The following FOXP2 variants were observed in gnomAD, a reference collection of about 807,000 sequenced individuals.
FOXP2 encodes forkhead box protein P2.
Under a neutral mutation model 115.8 loss-of-function variants are expected in FOXP2, and 12 were observed. The observed-to-expected ratio is 0.10, with a 90% confidence interval of 0.07 to 0.17. FOXP2 has a LOEUF of 0.17. FOXP2 is among the 10% of genes least tolerant of loss of function. The pLI is 1.00. For missense variants in FOXP2, 629 were observed against 843.5 expected (o/e 0.75, Z 3.15); for synonymous variants, 328 against 297.7 (o/e 1.10, Z -1.05).
In FOXP2 at chr7:114,691,929, C is replaced by CAAAAAAAAAAAAA; in HGVS notation, c.*2004_*2016dup. On this transcript the variant is annotated 3_prime_UTR_variant, in exon 17 of 17. Transcript: ENST00000350908. Reference sequence around the variant, plus strand: ...GGCTTTCTGAAAGCTTCTACCTCTGCAAAAAAAAAAAAAGAAAAAAAAAAA... The same window carrying CAAAAAAAAAAAAA: ...GGCTTTCTGAAAGCTTCTACCTCTGCAAAAAAAAAAAAAAAAAAAAAAAAAAGAAAAAAAAAAA... 4.0e-6 allele frequency: 1 copy of CAAAAAAAAAAAAA among 250,926 alleles called. No homozygotes were observed. The highest frequency in any genetic ancestry group is 7.2e-6 in the Non-Finnish European group (1 of 138,912). The allele number at this position is 250,926 out of a possible 1,614,324, so 15.5% of individuals were successfully genotyped here. A position where few individuals can be genotyped will look rare whatever the true frequency, so the allele number is the denominator to read the frequency against.
chr7:114,374,647 T>A (rs1792096492), intron 2 of FOXP2, among the ~76,000 whole-genome samples: 2 of 152,324 alleles, frequency 1.3e-5, no homozygotes, highest in Non-Finnish European at 1.5e-5. Flanking sequence ...CATTATTTCC[T>A]ACTTTGACTT....
intron 1 of FOXP2, among the ~76,000 whole-genome samples, chr7:114,127,044 C>A (rs1402328434): frequency 6.6e-6 from 1 of 152,164 alleles, no homozygotes. Context: ...GCTGAAGTCT[C>A]ATCTGAATGC....
intron 1 of FOXP2, among the ~76,000 whole-genome samples, chr7:114,207,029 C>T (rs1182318665): frequency 6.6e-6 from 1 of 152,122 alleles, no homozygotes; most frequent in Non-Finnish European, 1.5e-5. Flanking sequence ...TGTTCTTATT[C>T]TGGACATTTC....
Position 114,534,603 on chromosome 7 carries a change from A to G in FOXP2, c.169-14A>G. Reference sequence around the variant, plus strand: ...CAACAAAATATTTAGATAAGGTTTCATTTTTACTTCTAGGCTCTCCAGGCA... The same window carrying G: ...CAACAAAATATTTAGATAAGGTTTCGTTTTTACTTCTAGGCTCTCCAGGCA... On this transcript the variant is annotated splice_polypyrimidine_tract_variant and intron_variant, in intron 2 of 16. Coordinates refer to ENST00000350908, the MANE Select transcript of FOXP2 (RefSeq NM_014491.4). 18 of 1,609,172 alleles carry G rather than the reference A, an allele frequency of 1.1e-5. No individual in the cohort carries two copies. The highest frequency in any genetic ancestry group is 1.5e-5 in the Non-Finnish European group (18 of 1,176,084).
chr7:114,364,785 C>A (rs758385544), intron 2 of FOXP2, among the ~76,000 whole-genome samples: 6 of 152,068 alleles, frequency 3.9e-5, no homozygotes, highest in Non-Finnish European at 5.9e-5. Context: ...TCAGTCTGTA[C>A]TGAATATTAA....
intron 2 of FOXP2, among the ~76,000 whole-genome samples, chr7:114,350,072 C>A (rs992567599): frequency 2.6e-5 from 4 of 152,074 alleles, no homozygotes; most frequent in Non-Finnish European, 5.9e-5. Context: ...AAACTAGCCA[C>A]ACATAAATAT....
intron 10 of FOXP2, among the ~76,000 whole-genome samples, chr7:114,657,291 T>C (rs768479636): frequency 6.6e-6 from 1 of 152,184 alleles, no homozygotes; most frequent in Non-Finnish European, 1.5e-5. Context: ...TTCTTTTTTC[T>C]ACCCTGACAC....
chr7:114,105,175 A>T (rs1390192574), intron 1 of FOXP2, among the ~76,000 whole-genome samples: 1 of 152,072 alleles, frequency 6.6e-6, no homozygotes, highest in East Asian at 1.9e-4. Context: ...GGCACATTTT[A>T]GTTTGTACCA....
intron 1 of FOXP2, among the ~76,000 whole-genome samples, chr7:114,246,990 T>A (rs1475037743): frequency 6.6e-6 from 1 of 152,198 alleles, no homozygotes; most frequent in Admixed American, 6.5e-5. Flanking sequence ...TTGGCTTTCT[T>A]TCTCCAAATG....
chr7:114,178,994 G>GA (rs1013128096), intron 1 of FOXP2, among the ~76,000 whole-genome samples: 11 of 151,834 alleles, frequency 7.2e-5, no homozygotes, highest in Non-Finnish European at 1.5e-5. Context: ...ATTCTATGTA[G>GA]ATTTTTCAGA....
intron 1 of FOXP2, among the ~76,000 whole-genome samples, chr7:114,135,159 T>C (rs1305212864): frequency 6.6e-6 from 1 of 152,212 alleles, no homozygotes; most frequent in Non-Finnish European, 1.5e-5. Context: ...TTTAGCAATA[T>C]GGAAACATAT....
In FOXP2 at chr7:114,415,357, G is replaced by T. The variant is rs759420480; in HGVS notation, c.-14G>T. 9.1e-5 allele frequency: 41 copies of T among 449,188 alleles called. No individual in the cohort carries two copies. Among genetic ancestry groups the T allele is most frequent in the South Asian group, 1.7e-4 (11 of 63,462 alleles). The allele number at this position is 449,188 out of a possible 1,614,324, so 27.8% of individuals were successfully genotyped here. A position where few individuals can be genotyped will look rare whatever the true frequency, so the allele number is the denominator to read the frequency against. On this transcript the variant is annotated 5_prime_UTR_variant, in exon 1 of 17. Coordinates refer to ENST00000350908, the MANE Select transcript of FOXP2 (RefSeq NM_014491.4). ...GGAAGTTTGCTCTAACATTTCCAGAGAAGGTACGTTACTTTTTGCTAAGAG... is the reference window on the plus strand; with the variant it reads ...GGAAGTTTGCTCTAACATTTCCAGATAAGGTACGTTACTTTTTGCTAAGAG...
intron 16 of FOXP2, among the ~76,000 whole-genome samples, chr7:114,677,038 C>T (rs993655607): frequency 2.0e-5 from 3 of 151,844 alleles, no homozygotes; most frequent in South Asian, 2.1e-4. Context: ...TGGTTGCGCG[C>T]GCCTGTAGTC....
At chr7:114,143,009 A>G (rs893139749) in intron 1 of FOXP2, among the ~76,000 whole-genome samples, 20 of 151,866 alleles carry the variant, frequency 1.3e-4, no homozygotes, top group Non-Finnish European at 1.9e-4. Flanking sequence ...TTAGTCAGGC[A>G]TGGTGGCATG....
chr7:114,479,736 TG>T (rs1372820051), intron 2 of FOXP2, among the ~76,000 whole-genome samples: 2 of 151,570 alleles, frequency 1.3e-5, no homozygotes, highest in African/African-American at 4.8e-5. Flanking sequence ...TTATTATTCC[TG>T]TTTTTTCAGA....
At chr7:114,160,920 C>T (rs1435101755), upstream of FOXP2, among the ~76,000 whole-genome samples, 3 of 152,068 alleles carry the variant, frequency 2.0e-5, no homozygotes, top group Non-Finnish European at 2.9e-5. Context: ...TCCTCTGACA[C>T]ATCTGGTAGA....
chr7:114,552,605 A>C (rs1055419851), intron 3 of FOXP2, among the ~76,000 whole-genome samples: 1 of 152,166 alleles, frequency 6.6e-6, no homozygotes, highest in Non-Finnish European at 1.5e-5. Flanking sequence ...GAAGTTTATT[A>C]CTCATTTATT....
intron 1 of FOXP2, among the ~76,000 whole-genome samples, chr7:114,419,010 C>G (rs967209786): frequency 7.9e-5 from 12 of 152,038 alleles, no homozygotes; most frequent in Middle Eastern, 3.4e-3. Context: ...TAAACACACA[C>G]TCTTCTCAGT....
intron 2 of FOXP2, among the ~76,000 whole-genome samples, chr7:114,306,639 C>A (rs1367611153): frequency 6.6e-6 from 1 of 152,048 alleles, no homozygotes; most frequent in Non-Finnish European, 1.5e-5. Flanking sequence ...TAAATTACTG[C>A]AAACTCAGTG....
Sources: gnomAD v4.1 joint callset for allele counts (sites outside exome capture counted in the v4.1 genomes callset) on GRCh38, gnomAD v4.1.1 for gene constraint, MANE v1.5 for transcripts, NCBI Gene and HGNC (gene_info 2026-07-23, HGNC 2026-07-21) for gene names.